Variants in ZNF625 observed in about 807,000 individuals in gnomAD.
The protein encoded by ZNF625 is zinc finger protein 625.
In ZNF625, 8 loss-of-function variants were observed where a neutral mutation model predicts 11.1. That is an observed-to-expected ratio of 0.72 (90% CI 0.42 to 1.30). The LOEUF (loss-of-function observed/expected upper bound fraction) is 1.30. ZNF625 is among the 50% of genes most tolerant of loss of function. The pLI, the probability that ZNF625 is intolerant of heterozygous loss-of-function variation, is 0.01. For missense variants in ZNF625, 349 were observed against 447.6 expected (o/e 0.78, Z 1.99); for synonymous variants, 145 against 153.4 (o/e 0.95, Z 0.41).
In ZNF625 at chr19:12,145,781, G is replaced by A. The variant is rs1976861465; in HGVS notation, c.635C>T (p.Thr212Ile). 2 of 1,614,204 alleles carry A rather than the reference G, an allele frequency of 1.2e-6. No individual in the cohort carries two copies. The highest frequency in any genetic ancestry group is 1.7e-6 in the Non-Finnish European group (2 of 1,180,036). The stretch of plus-strand genomic sequence containing the variant: ...TTCATATGGTTTCTCTCCAGTGTGA[G>A]TTCGTTTGTGGATAAGATACAAACT... ...CLSLYLIHKR[T>I]HTGEKPYECK... The change falls in exon 4 of 4, where the codon ACT (threonine) becomes ATT (isoleucine). Residue 212 changes from threonine (T) to isoleucine (I), a missense_variant. Thr to Ile is a moderately conservative substitution (Grantham distance 89, BLOSUM62 -1). Transcript: ENST00000439556.
chr19:12,151,195 C>T (rs1045976960), intron 1 of ZNF625, among the ~76,000 whole-genome samples: 3 of 149,100 alleles, frequency 2.0e-5, no homozygotes, highest in African/African-American at 7.4e-5. Flanking sequence ...CAGCTATACT[C>T]TTGTATTTCT....
In ZNF625 at chr19:12,146,031, C is replaced by G. The variant is rs1336516044; in HGVS notation, c.385G>C (p.Glu129Gln). 8 of 1,614,186 alleles carry G rather than the reference C, an allele frequency of 5.0e-6. No individual in the cohort carries two copies. Among genetic ancestry groups the G allele is most frequent in the Non-Finnish European group, 5.9e-6 (7 of 1,180,044 alleles). The change falls in exon 4 of 4, where the codon GAA becomes CAA. Residue 129 changes from glutamate (E) to glutamine (Q), a missense_variant. By Grantham distance (29) the Glu-to-Gln change is conservative. Transcript: ENST00000439556. Reference sequence around the variant, plus strand: ...CATTTATATGGCTTCTGTCCATATTCCTGATACTCATATGGCTTGTGTCCA... The same window carrying G: ...CATTTATATGGCTTCTGTCCATATTGCTGATACTCATATGGCTTGTGTCCA... ...DTGHKPYEYQ[E>Q]YGQKPYKCTY...
chr19:12,148,613 T>C (rs1346864373), intron 1 of ZNF625, among the ~76,000 whole-genome samples: 1 of 149,068 alleles, frequency 6.7e-6, no homozygotes, highest in Non-Finnish European at 1.5e-5. Context: ...AAAAAAATAA[T>C]ATAACTACCA....
intron 1 of ZNF625, among the ~76,000 whole-genome samples, chr19:12,154,052 C>T (rs1976995597): frequency 6.6e-6 from 1 of 152,162 alleles, no homozygotes; most frequent in Middle Eastern, 3.4e-3. Flanking sequence ...TGTGATCCAC[C>T]CGCCTCAGCC....
In ZNF625 at chr19:12,145,192, GT is replaced by G; in HGVS notation, c.*104del. ...TATTTCTGAATGCTGTCAAATGACA[GT>G]GACTGCAGAAGCTTCAGAATAATTT... On this transcript the variant is annotated 3_prime_UTR_variant, in exon 4 of 4. Transcript: ENST00000439556. The G allele has an allele frequency of 7.5e-7, 1 of 1,324,966 alleles. No homozygotes were observed. The highest frequency in any genetic ancestry group is 1.0e-6 in the Non-Finnish European group (1 of 968,614). 82.1% of individuals were successfully genotyped at this position (1,324,966 alleles called of 1,614,324 possible).
rs777093559 is a variant in ZNF625, at chr19:12,145,820, G to C, written c.596C>G (p.Ala199Gly). The C allele has an allele frequency of 1.2e-5, 19 of 1,614,086 alleles. No homozygotes were observed. Among genetic ancestry groups the C allele is most frequent in the Middle Eastern group, 1.6e-4 (1 of 6,084 alleles). Reference sequence around the variant, plus strand: ...AAGATACAAACTGAGACACATCAAGGCTTTCCCACAAAAGTTACATTTGTA... The same window carrying C: ...AAGATACAAACTGAGACACATCAAGCCTTTCCCACAAAAGTTACATTTGTA... ...GPYKCNFCGK[A>G]LMCLSLYLIH... The change falls in exon 4 of 4, where the codon GCC becomes GGC. Residue 199 changes from alanine to glycine, a missense_variant. Transcript: ENST00000439556.
chr19:12,147,062 G>T (rs1161091014), intron 3 of ZNF625, among the ~76,000 whole-genome samples: 1 of 150,778 alleles, frequency 6.6e-6, no homozygotes, highest in Admixed American at 6.6e-5. Context: ...TGCCTCCCGG[G>T]TTCATGCCAT....
intron 1 of ZNF625, among the ~76,000 whole-genome samples, chr19:12,154,995 G>C (rs1247574207): frequency 6.6e-6 from 1 of 152,078 alleles, no homozygotes; most frequent in African/African-American, 2.4e-5. Context: ...GGAGGCGGAG[G>C]CAGGCGGATT....
At chr19:12,146,694 A>C (rs1249632952) in intron 3 of ZNF625, among the ~76,000 whole-genome samples, 9 of 152,168 alleles carry the variant, frequency 5.9e-5, no homozygotes. Flanking sequence ...AGCCTCTTAA[A>C]GCATTAGGAT....
At chr19:12,153,552 C>T (rs1245396006) in intron 1 of ZNF625, among the ~76,000 whole-genome samples, 3 of 150,898 alleles carry the variant, frequency 2.0e-5, no homozygotes, top group South Asian at 2.1e-4. Flanking sequence ...GGTATGGTGG[C>T]GCAGGTCTGT....
intron 1 of ZNF625, among the ~76,000 whole-genome samples, chr19:12,148,504 G>C (rs1042775224): frequency 2.0e-5 from 3 of 152,130 alleles, no homozygotes; most frequent in African/African-American, 7.2e-5. Flanking sequence ...GTGTGAAATG[G>C]TGTAAGAGAA....
At chr19:12,151,663 G>A (rs1599443077) in intron 1 of ZNF625, among the ~76,000 whole-genome samples, 1 of 151,982 alleles carries the variant, frequency 6.6e-6, no homozygotes, top group African/African-American at 2.4e-5. Context: ...ATAGATGTGA[G>A]CCACCGCGCC....
chr19:12,147,415 T>C lies in ZNF625; in HGVS notation c.171A>G (p.Lys57=). 6.5e-7 allele frequency: 1 copy of C among 1,538,566 alleles called. No individual in the cohort carries two copies. The highest frequency in any genetic ancestry group is 8.7e-7 in the Non-Finnish European group (1 of 1,146,154). The part of the protein sequence containing the change: ...WKDQKIEDEY[K]NPRRNLRGLM... ...ATTACCTTAGGTTTCTCCTGGGATT[T>C]TTGTACTCATCTTCAATTTTCTGAT... Residue 57 remains lysine (K), a synonymous_variant, in exon 3 of 4, where the codon AAA becomes AAG. Coordinates refer to ENST00000439556, the MANE Select transcript of ZNF625 (RefSeq NM_145233.4).
intron 1 of ZNF625, among the ~76,000 whole-genome samples, 163 bp downstream of exon 1, chr19:12,156,393 C>T (rs1977027196): frequency 2.0e-5 from 3 of 151,610 alleles, no homozygotes; most frequent in Admixed American, 2.0e-4. Context: ...CCGGCCCAAC[C>T]CCACCCTGCG....
At chr19:12,153,896 C>T (rs1425451884) in intron 1 of ZNF625, among the ~76,000 whole-genome samples, 1 of 149,910 alleles carries the variant, frequency 6.7e-6, no homozygotes, top group Non-Finnish European at 1.5e-5. Flanking sequence ...CAAGCTCTCC[C>T]TCCCGGGTTC....
At chr19:12,151,455 A>G (rs1351062276) in intron 1 of ZNF625, among the ~76,000 whole-genome samples, 2 of 145,012 alleles carry the variant, frequency 1.4e-5, no homozygotes, top group Non-Finnish European at 3.0e-5. Context: ...ATCTCGGCTC[A>G]CTGCAAGCTC....
intron 1 of ZNF625, among the ~76,000 whole-genome samples, chr19:12,148,739 G>A (rs1976912954): frequency 6.6e-6 from 1 of 150,832 alleles, no homozygotes; most frequent in Non-Finnish European, 1.5e-5. Context: ...TTCTGCCTCA[G>A]CCTCCCAAGT....
At chr19:12,146,275 A>G in intron 3 of ZNF625, 51 bp from the exon 4 acceptor site, 1 of 1,504,624 alleles carries the variant, frequency 6.6e-7, no homozygotes, top group Admixed American at 1.8e-5. Context: ...CACTGATTTG[A>G]TATTCATTAA....
At position 12,145,163 on chromosome 19, in the gene ZNF625, C is replaced by T; in HGVS notation, c.*134G>A. ...AAAATTTTTGCTCCTGGGCTACTGGCATTTATTTCTGAATGCTGTCAAATG... is the reference window on the plus strand; with the variant it reads ...AAAATTTTTGCTCCTGGGCTACTGGTATTTATTTCTGAATGCTGTCAAATG... On this transcript the variant is annotated 3_prime_UTR_variant, in exon 4 of 4. Coordinates refer to ENST00000439556, the MANE Select transcript of ZNF625 (RefSeq NM_145233.4). The T allele has an allele frequency of 8.7e-7, 1 of 1,150,476 alleles. No individual in the cohort carries two copies. Among genetic ancestry groups the T allele is most frequent in the Non-Finnish European group, 1.2e-6 (1 of 814,470 alleles). The allele number at this position is 1,150,476 out of a possible 1,614,324, so 71.3% of individuals were successfully genotyped here.
Sources: allele counts gnomAD v4.1 joint callset (sites outside exome capture counted in the v4.1 genomes callset), GRCh38; gene constraint gnomAD v4.1.1; transcripts MANE v1.5; gene names NCBI Gene and HGNC (gene_info 2026-07-23, HGNC 2026-07-21).